Variants in NELFB observed in about 807,000 individuals in gnomAD.
NELFB encodes negative elongation factor complex member B, also known as negative elongation factor B.
NELFB carries 34 observed loss-of-function variants against 60.2 expected under a neutral mutation model. The ratio of observed to expected loss-of-function variants is 0.56; its 90% CI spans 0.43 to 0.75. The LOEUF is 0.75. Among genes scored for constraint, NELFB ranks in the 30% least tolerant of loss-of-function variants. The pLI is 0.00. For missense variants in NELFB, 770 were observed against 831.6 expected (o/e 0.93, Z 0.91); for synonymous variants, 459 against 382.1 (o/e 1.20, Z -2.35).
In NELFB at chr9:137,263,170, C is replaced by T; in HGVS notation, c.875C>T (p.Ser292Phe). Reference sequence around the variant, plus strand: ...ACGCTGCGGGCTGAGCTGCTCATGTCCCTGCACGACCTGGACGTGGGTGAA... The same window carrying T: ...ACGCTGCGGGCTGAGCTGCTCATGTTCCTGCACGACCTGGACGTGGGTGAA... Residue 292 changes from serine (S) to phenylalanine (F), a missense_variant, in exon 5 of 13, where the codon TCC becomes TTC. By Grantham distance (155) the Ser-to-Phe change is radical. Transcript: ENST00000343053. The T allele has an allele frequency of 6.2e-7, 1 of 1,613,912 alleles. No homozygotes were observed. The highest frequency in any genetic ancestry group is 1.3e-5 in the African/African-American group (1 of 75,026).
rs1467736175 is a variant in NELFB, at chr9:137,273,079, C to T, written c.*151C>T. ...TGCCGTCATGGCCCCCTGCTTCCTG[C>T]TCCTTGGAGCTGGCTCCCGGACCTT... On this transcript the variant is annotated 3_prime_UTR_variant, in exon 13 of 13. Transcript: ENST00000343053. The T allele has an allele frequency of 2.3e-6, 2 of 857,486 alleles. No homozygotes were observed. Among genetic ancestry groups the T allele is most frequent in the East Asian group, 2.9e-5 (1 of 34,160 alleles). The allele number at this position is 857,486 out of a possible 1,614,324, so 53.1% of individuals were successfully genotyped here.
chr9:137,268,018 TG>T (rs972433778), intron 10 of NELFB, among the ~76,000 whole-genome samples: 18 of 152,278 alleles, frequency 1.2e-4, no homozygotes, highest in African/African-American at 4.3e-4. Context: ...CACTTCCTCC[TG>T]GGGGCCTTGA....
At chr9:137,260,089 G>T (rs1220812656) in intron 4 of NELFB, among the ~76,000 whole-genome samples, 3 of 134,314 alleles carry the variant, frequency 2.2e-5, no homozygotes, top group African/African-American at 5.5e-5. Context: ...TTGCTCTGTT[G>T]CCCAGGCTGG....
At chr9:137,262,029 C>T (rs1382352391) in intron 4 of NELFB, among the ~76,000 whole-genome samples, 1 of 152,006 alleles carries the variant, frequency 6.6e-6, no homozygotes. Flanking sequence ...GTTATTTCTG[C>T]GTATCAGAGA....
chr9:137,255,842 C>T, intron 1 of NELFB, 65 bp from the exon 2 acceptor site: 3 of 1,586,800 alleles, frequency 1.9e-6, no homozygotes, highest in Non-Finnish European at 2.6e-6. Flanking sequence ...CCTCCCTGTG[C>T]TCTCAGGACC....
At chr9:137,255,730 TC>T in intron 1 of NELFB, 119 bp downstream of exon 1, 1 of 1,425,844 alleles carries the variant, frequency 7.0e-7, no homozygotes, top group Admixed American at 2.0e-5. Flanking sequence ...TGAGTCCTGT[TC>T]TGGGGGTGGA....
intron 7 of NELFB, 51 bp from the exon 8 acceptor site, chr9:137,266,280 T>C (rs1451274752): frequency 2.6e-6 from 4 of 1,520,442 alleles, no homozygotes; most frequent in African/African-American, 1.4e-5. Context: ...AGGAGCTCCA[T>C]GGCCAGGACA....
intron 2 of NELFB, 121 bp downstream of exon 2, chr9:137,256,191 C>T (rs1837547818): frequency 7.3e-7 from 1 of 1,375,806 alleles, no homozygotes; most frequent in East Asian, 2.3e-5. Context: ...TGGCCTGGGC[C>T]TGTGTCTGAG....
chr9:137,263,147 G>A lies in NELFB; in HGVS notation c.852G>A (p.Thr284=), dbSNP rs749853763. 20 of 1,614,056 alleles carry A rather than the reference G, an allele frequency of 1.2e-5. No individual in the cohort carries two copies. Among genetic ancestry groups the A allele is most frequent in the East Asian group, 4.5e-5 (2 of 44,882 alleles). ...GCACGCGGAATGTGCACTACTGCAC[G>A]CTGCGGGCTGAGCTGCTCATGTCCC... Residue 284 remains threonine (T), a synonymous_variant, in exon 5 of 13, where the codon ACG becomes ACA. Transcript: ENST00000343053.
intron 6 of NELFB, among the ~76,000 whole-genome samples, chr9:137,265,185 G>A (rs1233058160): frequency 6.6e-6 from 1 of 151,100 alleles, no homozygotes; most frequent in Admixed American, 6.6e-5. Context: ...GCGCCTGGCC[G>A]ATTTTTGTTA....
rs905127805 is a variant in NELFB, at chr9:137,261,927, G to A, written c.742-1110G>A. Among the ~76,000 whole-genome samples, 8 of 152,102 alleles carry A rather than the reference G, an allele frequency of 5.3e-5. 1 individual carries two copies. Among genetic ancestry groups the A allele is most frequent in the African/African-American group, 9.7e-5 (4 of 41,392 alleles). ...CATCTCCAATGATAGGTAAGGTCACGTGGTTCACGTGTCCGCTTGACAGGG... is the reference window on the plus strand; with the variant it reads ...CATCTCCAATGATAGGTAAGGTCACATGGTTCACGTGTCCGCTTGACAGGG... On this transcript the variant is annotated intron_variant, in intron 4 of 12. Coordinates refer to ENST00000343053, the MANE Select transcript of NELFB (RefSeq NM_015456.5).
At chr9:137,262,603 C>T (rs1464873022) in intron 4 of NELFB, among the ~76,000 whole-genome samples, 1 of 152,214 alleles carries the variant, frequency 6.6e-6, no homozygotes, top group Non-Finnish European at 1.5e-5. Flanking sequence ...TCTAATATAA[C>T]TATTCTTGCA....
At chr9:137,263,353 C>T in intron 5 of NELFB, 131 bp downstream of exon 5, 2 of 699,688 alleles carry the variant, frequency 2.9e-6, no homozygotes, top group Non-Finnish European at 2.2e-6. Context: ...TGCCCTCCCT[C>T]CCTCCCTCCT....
rs1356247384 is a variant in NELFB at position 137,272,087 on chromosome 9, C to G, written c.1496C>G (p.Thr499Ser). The G allele has an allele frequency of 6.2e-7, 1 of 1,614,112 alleles. No individual in the cohort carries two copies. Among genetic ancestry groups the G allele is most frequent in the Admixed American group, 1.7e-5 (1 of 60,020 alleles). ...ATGCCTGCTGTGTCTGCAGTGGAGA[C>G]CTTTGGCGACTTGGCCTTTGGCGAC... Residue 499 changes from threonine (T) to serine (S), a missense_variant, in exon 11 of 13, where the codon ACC (threonine) becomes AGC (serine). Physicochemically the swap from Thr to Ser is moderately conservative, Grantham distance 58 (BLOSUM62 1). Transcript: ENST00000343053.
intron 4 of NELFB, among the ~76,000 whole-genome samples, chr9:137,261,082 C>A (rs1452924313): frequency 6.6e-6 from 1 of 151,256 alleles, no homozygotes; most frequent in Non-Finnish European, 1.5e-5. Context: ...GTGACTCACG[C>A]CTGTAATCCC....
intron 10 of NELFB, among the ~76,000 whole-genome samples, chr9:137,270,300 A>AG (rs1437005391): frequency 1.4e-5 from 2 of 146,074 alleles, no homozygotes; most frequent in East Asian, 2.0e-4. Flanking sequence ...AAAAAAAAAA[A>AG]GGGCGGGGAG....
chr9:137,260,165 T>G (rs2118976674), intron 4 of NELFB, among the ~76,000 whole-genome samples: 1 of 151,464 alleles, frequency 6.6e-6, no homozygotes, highest in South Asian at 2.1e-4. Context: ...TTCTCCTGCC[T>G]CAGCCTCCCG....
At position 137,269,302 on chromosome 9, in the gene NELFB, A is replaced by G. The variant is rs1455358017; in HGVS notation, c.1489+1956A>G. Among the ~76,000 whole-genome samples the G allele has an allele frequency of 6.6e-6, 1 of 152,154 alleles. No individual in the cohort carries two copies. Among genetic ancestry groups the G allele is most frequent in the Non-Finnish European group, 1.5e-5 (1 of 68,032 alleles). On this transcript the variant is annotated intron_variant, in intron 10 of 12. Transcript: ENST00000343053. This position sits in a 1 kb window ranked among gnomAD's most constrained non-coding sequence, Gnocchi z 5.3. ...GTGGCATTAGACAGCGCAGGCAGAC[A>G]TGACCTCCTGGGCTTCTGCGGGTGC... is the stretch of plus-strand genomic sequence containing the variant.
At chr9:137,270,576 C>T (rs9777409) in intron 10 of NELFB, among the ~76,000 whole-genome samples, 393 of 149,966 alleles carry the variant, frequency 2.6e-3, no homozygotes, top group African/African-American at 9.2e-3. Context: ...GGTGACAGAG[C>T]GAGACTCCGT....
Sources: allele counts gnomAD v4.1 joint callset (sites outside exome capture counted in the v4.1 genomes callset), GRCh38; gene constraint gnomAD v4.1.1; non-coding constraint Gnocchi (gnomAD v3.1); transcripts MANE v1.5; gene names NCBI Gene and HGNC (gene_info 2026-07-23, HGNC 2026-07-21).